PPEF1: variants seen among roughly 807,000 people sequenced by gnomAD.
PPEF1 encodes the protein protein phosphatase with EF-hand domain 1.
Under a neutral mutation model 53.3 loss-of-function variants are expected in PPEF1, and 12 were observed. The ratio of observed to expected loss-of-function variants is 0.23; its 90% CI spans 0.14 to 0.36. PPEF1 has a LOEUF of 0.36. PPEF1 is among the 10% of genes least tolerant of loss of function. The probability of loss-of-function intolerance (pLI) is 1.00; values close to 1 mark genes in which losing one functional copy is unlikely to be tolerated. For synonymous variants in PPEF1, 165 were observed against 176.7 expected (o/e 0.93, Z 0.52); for missense variants, 334 against 490.4 (o/e 0.68, Z 3.01).
chrX:18,808,461 A>G, intron 12 of PPEF1, among the ~76,000 whole-genome samples: 1 of 110,246 alleles, frequency 9.1e-6, no homozygotes, highest in Middle Eastern at 4.6e-3. Context: ...TATCCAATTG[A>G]TAGACATCCA....
At chrX:18,697,872 G>C (rs1221745900) in exon 5 of PPEF1, 1 of 111,175 alleles carries the variant, frequency 9.0e-6, no homozygotes, top group Non-Finnish European at 1.9e-5. Context: ...CTGGTCAGCT[G>C]TAGGAAAGCC....
Position 18,743,440 on chromosome X carries a change from CTTTTTCTT to C in PPEF1, c.236-6346_236-6339del, listed in dbSNP as rs1457072812. On this transcript the variant is annotated intron_variant, in intron 3 of 15. Coordinates refer to ENST00000470157, the MANE Select transcript of PPEF1 (RefSeq NM_001377996.1). ...TCACTTTTTTTCTTTTCTTTTTTCT[CTTTTTCTT>C]TTTTTTTTTTTTTTTTTTTGAGACA... is the stretch of plus-strand genomic sequence containing the variant. Among the ~76,000 whole-genome samples, 527 of 86,698 alleles carry C rather than the reference CTTTTTCTT, an allele frequency of 6.1e-3. 6 individuals are homozygous for C. Among genetic ancestry groups the C allele is most frequent in the African/African-American group, 0.023 (494 of 21,402 alleles). The allele number at this position is 86,698 out of a possible 115,157, so 75.3% of individuals were successfully genotyped here. A position where few individuals can be genotyped will look rare whatever the true frequency, so the allele number is the denominator to read the frequency against.
At chrX:18,766,974 C>T (rs1236942885) in intron 6 of PPEF1, among the ~76,000 whole-genome samples, 1 of 111,772 alleles carries the variant, frequency 8.9e-6, no homozygotes, top group Non-Finnish European at 1.9e-5. Flanking sequence ...GTTACTTGAA[C>T]CCGAGAGGCA....
chrX:18,711,092 G>GTGTA (rs777598748), intron 1 of PPEF1, among the ~76,000 whole-genome samples: 8 of 98,919 alleles, frequency 8.1e-5, no homozygotes, highest in African/African-American at 3.0e-4. Context: ...GTGTGTGTGT[G>GTGTA]TATATATATA....
intron 1 of PPEF1, among the ~76,000 whole-genome samples, chrX:18,710,186 C>A (rs1222461428): frequency 8.9e-6 from 1 of 111,834 alleles, no homozygotes; most frequent in Non-Finnish European, 1.9e-5. Flanking sequence ...ATCATTTACC[C>A]ATTTTTAATT....
In PPEF1 at chrX:18,779,287, G is replaced by A. The variant is rs1014545531; in HGVS notation, c.725+111G>A. 1.8e-5 allele frequency: 13 copies of A among 718,151 alleles called. No individual in the cohort carries two copies. In the African/African-American group the frequency reaches 2.6e-4, roughly 14 times the overall value. The allele number at this position is 718,151 out of a possible 1,213,427, so 59.2% of individuals were successfully genotyped here. ...TGAGTGTATTGGAAGAGGGATGAGG[G>A]GGATCTCAAGGAGGACTTCAATTCT... On this transcript the variant is annotated intron_variant, in intron 7 of 15. Coordinates refer to ENST00000470157, the MANE Select transcript of PPEF1 (RefSeq NM_001377996.1).
At chrX:18,748,557 A>G (rs1285497018) in intron 3 of PPEF1, among the ~76,000 whole-genome samples, 3 of 112,381 alleles carry the variant, frequency 2.7e-5, no homozygotes, top group African/African-American at 9.7e-5. Flanking sequence ...GCATGTAATC[A>G]ATATTTCTTT....
At chrX:18,750,477 A>T (rs1423302625) in intron 4 of PPEF1, among the ~76,000 whole-genome samples, 1 of 112,164 alleles carries the variant, frequency 8.9e-6, no homozygotes, top group East Asian at 2.8e-4. Context: ...GTCATATCAT[A>T]TATCATTACT....
intron 4 of PPEF1, among the ~76,000 whole-genome samples, chrX:18,752,781 C>A (rs1388353256): frequency 1.9e-5 from 2 of 103,392 alleles, no homozygotes; most frequent in African/African-American, 7.1e-5. Flanking sequence ...ACCCTTCGTT[C>A]TATTAATGTG....
chrX:18,701,002 G>A (rs1363213221), intron 6 of PPEF1, among the ~76,000 whole-genome samples: 3 of 112,005 alleles, frequency 2.7e-5, no homozygotes, highest in Non-Finnish European at 5.6e-5. Flanking sequence ...TAAACAGAGC[G>A]AGTCTTCAGT....
intron 1 of PPEF1, among the ~76,000 whole-genome samples, chrX:18,723,744 A>G (rs5909215): frequency 0.49 from 53,237 of 109,032 alleles, 9,890 homozygotes; most frequent in Non-Finnish European, 0.56. Flanking sequence ...TGTGAGCGGG[A>G]GAAGGTGTGG....
chrX:18,737,936 G>A (rs1167608928), intron 3 of PPEF1, among the ~76,000 whole-genome samples: 3 of 110,916 alleles, frequency 2.7e-5, no homozygotes, highest in Non-Finnish European at 5.7e-5. Flanking sequence ...TCAGAGACTA[G>A]GATTGCAACC....
At chrX:18,823,658 G>A (rs1464792527) in intron 13 of PPEF1, among the ~76,000 whole-genome samples, 1 of 108,771 alleles carries the variant, frequency 9.2e-6, no homozygotes. Context: ...AAATAAGTAA[G>A]CATACCTTAC....
intron 12 of PPEF1, among the ~76,000 whole-genome samples, chrX:18,809,576 A>G (rs995908635): frequency 4.6e-5 from 5 of 109,195 alleles, no homozygotes; most frequent in African/African-American, 1.7e-4. Flanking sequence ...GTGATGGCGC[A>G]CACCTGTAAT....
At chrX:18,789,061 A>C (rs1447350154) in intron 9 of PPEF1, 60 bp from the exon 10 acceptor site, 4 of 1,153,977 alleles carry the variant, frequency 3.5e-6, no homozygotes, top group Non-Finnish European at 4.7e-6. Flanking sequence ...CTGGGACTGA[A>C]GTCTCTGTAT....
chrX:18,795,251 A>C (rs962340095), intron 10 of PPEF1, among the ~76,000 whole-genome samples: 4 of 112,283 alleles, frequency 3.6e-5, no homozygotes, highest in African/African-American at 1.3e-4. Context: ...CGGAGGCTGC[A>C]GTGAGCTGAG....
chrX:18,757,598 C>A, intron 4 of PPEF1, 29 bp from the exon 5 acceptor site: 1 of 1,071,682 alleles, frequency 9.3e-7, no homozygotes, highest in Non-Finnish European at 1.3e-6. Context: ...TTGTTCATTA[C>A]ATCTATTTCC....
chrX:18,734,397 C>G (rs1411726038), intron 3 of PPEF1, among the ~76,000 whole-genome samples: 13 of 107,895 alleles, frequency 1.2e-4, no homozygotes, highest in Admixed American at 3.1e-4. Context: ...TCTGTCCTTG[C>G]GATAGTTTGC....
intron 4 of PPEF1, among the ~76,000 whole-genome samples, chrX:18,756,095 A>G (rs952259419): frequency 2.7e-5 from 3 of 110,970 alleles, no homozygotes; most frequent in Non-Finnish European, 3.8e-5. Context: ...TCTAGGGGAG[A>G]CGGAAAATGA....
Sources: gnomAD v4.1 joint callset for allele counts (sites outside exome capture counted in the v4.1 genomes callset) on GRCh38, gnomAD v4.1.1 for gene constraint, MANE v1.5 for transcripts, NCBI Gene and HGNC (gene_info 2026-07-23, HGNC 2026-07-21) for gene names.